Variants in RABL3 observed in about 807,000 individuals in gnomAD.
RABL3 encodes rab-like protein 3.
Under a neutral mutation model 31.8 loss-of-function variants are expected in RABL3, and 31 were observed. The ratio of observed to expected loss-of-function variants is 0.97; its 90% CI spans 0.73 to 1.31. The LOEUF (loss-of-function observed/expected upper bound fraction) is 1.31. Ranked by LOEUF, RABL3 falls within the 40% of genes most tolerant of loss-of-function variation. RABL3 has a pLI of 0.00. For missense variants in RABL3, 263 were observed against 279.6 expected (o/e 0.94, Z 0.42); for synonymous variants, 97 against 99.9 (o/e 0.97, Z 0.18).
chr3:120,737,218 T>C (rs1708978978), intron 1 of RABL3, among the ~76,000 whole-genome samples: 1 of 152,188 alleles, frequency 6.6e-6, no homozygotes, highest in Non-Finnish European at 1.5e-5. Context: ...GAGCCTTTGT[T>C]CGTTCTTTTT....
intron 2 of RABL3, among the ~76,000 whole-genome samples, chr3:120,711,713 A>C (rs1001213627): frequency 6.6e-6 from 1 of 152,198 alleles, no homozygotes; most frequent in Non-Finnish European, 1.5e-5. Flanking sequence ...ATGCTGGTTC[A>C]TGAGTACACA....
chr3:120,735,867 C>T (rs1447559872), intron 1 of RABL3, among the ~76,000 whole-genome samples: 2 of 151,908 alleles, frequency 1.3e-5, no homozygotes, highest in East Asian at 1.9e-4. Context: ...GAGTGAGTTT[C>T]TCAATCCTGA....
chr3:120,741,237 C>G (rs73855270), intron 1 of RABL3, among the ~76,000 whole-genome samples: 1 of 152,158 alleles, frequency 6.6e-6, no homozygotes, highest in Non-Finnish European at 1.5e-5. Flanking sequence ...CCACTTCAAG[C>G]TACCTGATAG....
rs957588870 is a variant in RABL3, at chr3:120,686,743, T to C, written c.*3080A>G. On this transcript the variant is annotated 3_prime_UTR_variant, in exon 8 of 8. Transcript: ENST00000273375. ...TTTACATGACAGGAATCTTCAGAAA[T>C]GAAGACAAAAAAGAAATAGGAAAAC... is the stretch of plus-strand genomic sequence containing the variant. The C allele has an allele frequency of 5.3e-5, 8 of 152,136 alleles. No homozygotes were observed. The highest frequency in any genetic ancestry group is 1.9e-4 in the African/African-American group (8 of 41,438). The allele number at this position is 152,136 out of a possible 1,614,324, so 9.4% of individuals were successfully genotyped here.
chr3:120,703,053 G>C (rs1257384426), intron 4 of RABL3, among the ~76,000 whole-genome samples: 1 of 152,122 alleles, frequency 6.6e-6, no homozygotes, highest in African/African-American at 2.4e-5. Context: ...CTGTAGACAG[G>C]GTGAAGTGTG....
chr3:120,719,594 G>A (rs532775893), intron 2 of RABL3, among the ~76,000 whole-genome samples: 7 of 152,200 alleles, frequency 4.6e-5, no homozygotes, highest in Non-Finnish European at 7.3e-5. Context: ...ACGAAGCCTC[G>A]CTCATTGCTA....
chr3:120,685,459 T>C lies in RABL3; in HGVS notation c.*4364A>G, dbSNP rs1708298412. Among the ~76,000 whole-genome samples the C allele has an allele frequency of 6.6e-6, 1 of 152,188 alleles. No individual in the cohort carries two copies. The highest frequency in any genetic ancestry group is 2.4e-5 in the African/African-American group (1 of 41,436). Reference sequence around the variant, plus strand: ...AAACACAGTACTAGAGAGGGGGCTGTGTGTAAGATGGCAAGGCACTGGTTA... The same window carrying C: ...AAACACAGTACTAGAGAGGGGGCTGCGTGTAAGATGGCAAGGCACTGGTTA... On this transcript the variant is annotated 3_prime_UTR_variant, in exon 8 of 8. Coordinates refer to ENST00000273375, the MANE Select transcript of RABL3 (RefSeq NM_173825.5).
rs1033220848 is a variant in RABL3, at chr3:120,686,496, G to C, written c.*3327C>G. Among the ~76,000 whole-genome samples, 1 of 152,194 alleles carries C rather than the reference G, an allele frequency of 6.6e-6. No homozygotes were observed. Among genetic ancestry groups the C allele is most frequent in the Non-Finnish European group, 1.5e-5 (1 of 68,044 alleles). On this transcript the variant is annotated 3_prime_UTR_variant, in exon 8 of 8. Coordinates refer to ENST00000273375, the MANE Select transcript of RABL3 (RefSeq NM_173825.5). ...CATGTCAGAATGAACAGAAAAACAA[G>C]TGTCAGGGCACCTGGATTATATCAT...
intron 2 of RABL3, among the ~76,000 whole-genome samples, chr3:120,725,851 T>G (rs981741512): frequency 2.0e-5 from 3 of 152,008 alleles, no homozygotes; most frequent in South Asian, 2.1e-4. Flanking sequence ...AATGTTAAAT[T>G]ACGAGTTAAT....
chr3:120,728,632 G>A lies in RABL3; in HGVS notation c.138+2064C>T, dbSNP rs139708467. Among the ~76,000 whole-genome samples the A allele has an allele frequency of 1.0e-3, 158 of 152,054 alleles. 2 individuals are homozygous for A. The highest frequency in any genetic ancestry group is 6.8e-3 in the Middle Eastern group (2 of 294). On this transcript the variant is annotated intron_variant, in intron 2 of 7. Transcript: ENST00000273375. ...ACGAGTTAATGGGTGCAGCACACTA[G>A]CATGGCACATGTATACATTTGTAAC...
intron 6 of RABL3, among the ~76,000 whole-genome samples, chr3:120,693,817 A>G (rs1708406436): frequency 6.6e-6 from 1 of 152,206 alleles, no homozygotes; most frequent in African/African-American, 2.4e-5. Flanking sequence ...TCCTCAGTTC[A>G]GTGCCTTTAT....
intron 4 of RABL3, among the ~76,000 whole-genome samples, chr3:120,705,561 T>C (rs1466794786): frequency 2.0e-5 from 3 of 152,194 alleles, no homozygotes; most frequent in African/African-American, 2.4e-5. Context: ...TTTCAATAAA[T>C]GGTGCTGGAA....
chr3:120,737,104 A>G (rs1708977268), intron 1 of RABL3, among the ~76,000 whole-genome samples: 1 of 152,226 alleles, frequency 6.6e-6, no homozygotes, highest in African/African-American at 2.4e-5. Context: ...CTCCTGGATA[A>G]TATCCTGCAG....
chr3:120,713,468 G>T (rs1708634158), intron 2 of RABL3, among the ~76,000 whole-genome samples: 3 of 152,184 alleles, frequency 2.0e-5, no homozygotes, highest in Admixed American at 2.0e-4. Flanking sequence ...TATTGCTCTT[G>T]ACACAGTAAG....
At chr3:120,713,063 A>T (rs1708630001) in intron 2 of RABL3, among the ~76,000 whole-genome samples, 2 of 152,064 alleles carry the variant, frequency 1.3e-5, no homozygotes, top group South Asian at 4.2e-4. Context: ...TCAAGTACCT[A>T]ATGTTGCCTC....
intron 5 of RABL3, among the ~76,000 whole-genome samples, 164 bp from the exon 6 acceptor site, chr3:120,694,388 A>G (rs1481218736): frequency 6.6e-6 from 1 of 152,198 alleles, no homozygotes; most frequent in Non-Finnish European, 1.5e-5. Context: ...CAAAGGAGGA[A>G]AGTATTAAAG....
intron 2 of RABL3, among the ~76,000 whole-genome samples, chr3:120,719,284 A>G (rs1708707441): frequency 6.6e-6 from 1 of 152,216 alleles, no homozygotes; most frequent in South Asian, 2.1e-4. Context: ...GACACAGAAG[A>G]CAAATGATTC....
chr3:120,694,258 G>C, intron 5 of RABL3, 34 bp from the exon 6 acceptor site: 1 of 1,487,436 alleles, frequency 6.7e-7, no homozygotes, highest in African/African-American at 1.4e-5. Context: ...ACAATTGAAA[G>C]TTAGGAAACC....
chr3:120,709,880 T>G lies in RABL3; in HGVS notation c.168A>C (p.Glu56Asp). Reference sequence around the variant, plus strand: ...ATAATTCTATGTAGTAGGTCTTCTCTTCTGGGGTTCCTTCTTTGTAATCAT... The same window carrying G: ...ATAATTCTATGTAGTAGGTCTTCTCGTCTGGGGTTCCTTCTTTGTAATCAT... ...RVHDYKEGTPEEKTYYIELWD... is the reference protein window; with the variant it reads ...RVHDYKEGTPDEKTYYIELWD... Residue 56 changes from glutamate (E) to aspartate (D), a missense_variant, in exon 3 of 8, where the codon GAA (glutamate) becomes GAC (aspartate). By Grantham distance (45) the Glu-to-Asp change is conservative. Transcript: ENST00000273375. The G allele has an allele frequency of 1.2e-6, 2 of 1,605,156 alleles. No individual in the cohort carries two copies. Among genetic ancestry groups the G allele is most frequent in the Admixed American group, 1.7e-5 (1 of 58,524 alleles).
Sources: allele counts gnomAD v4.1 joint callset (sites outside exome capture counted in the v4.1 genomes callset), GRCh38; gene constraint gnomAD v4.1.1; transcripts MANE v1.5; gene names NCBI Gene and HGNC (gene_info 2026-07-23, HGNC 2026-07-21).